DCC: variants seen among roughly 807,000 people sequenced by gnomAD.
DCC encodes the protein netrin receptor DCC.
DCC carries 58 observed loss-of-function variants against 172.5 expected under a neutral mutation model. That is an observed-to-expected ratio of 0.34 (90% CI 0.27 to 0.42). The LOEUF is 0.42. DCC is among the 10% of genes least tolerant of loss of function. The pLI is 1.00. For missense variants in DCC, 1,740 were observed against 1,791.0 expected (o/e 0.97, Z 0.51); for synonymous variants, 709 against 644.5 (o/e 1.10, Z -1.52).
intron 1 of DCC, among the ~76,000 whole-genome samples, chr18:52,435,369 C>G (rs1224743261): frequency 6.6e-6 from 1 of 152,152 alleles, no homozygotes; most frequent in South Asian, 2.1e-4. Context: ...TAGCCCTTCT[C>G]TATTTCATAA....
At chr18:53,092,569 A>G (rs1389258960) in intron 7 of DCC, among the ~76,000 whole-genome samples, 1 of 152,210 alleles carries the variant, frequency 6.6e-6, no homozygotes, top group Admixed American at 6.5e-5. Flanking sequence ...ATATTTTGAC[A>G]CAGTCAAGAA....
chr18:52,596,614 T>C (rs929645699), intron 1 of DCC, among the ~76,000 whole-genome samples: 1 of 152,192 alleles, frequency 6.6e-6, no homozygotes, highest in Non-Finnish European at 1.5e-5. Context: ...ACTTGTTCTG[T>C]TTACAGTTGA....
chr18:52,925,146 G>C (rs1009557762), intron 4 of DCC, 88 bp from the exon 5 acceptor site: 1 of 1,303,960 alleles, frequency 7.7e-7, no homozygotes, highest in African/African-American at 1.5e-5. Flanking sequence ...CTTAATTTGA[G>C]CTTTGGTGGA....
At chr18:53,260,039 G>C (rs2056575296) in intron 12 of DCC, among the ~76,000 whole-genome samples, 1 of 152,150 alleles carries the variant, frequency 6.6e-6, no homozygotes, top group Non-Finnish European at 1.5e-5. Flanking sequence ...CTCGTGCCAT[G>C]GTTTTCAGCT....
intron 5 of DCC, among the ~76,000 whole-genome samples, chr18:52,967,799 C>T (rs1421759448): frequency 6.6e-6 from 1 of 151,978 alleles, no homozygotes; most frequent in African/African-American, 2.4e-5. Context: ...CCGTATGTAA[C>T]AATAGAAAAT....
At chr18:52,801,368 G>GTT (rs2037981655) in intron 2 of DCC, among the ~76,000 whole-genome samples, 1 of 151,994 alleles carries the variant, frequency 6.6e-6, no homozygotes, top group Non-Finnish European at 1.5e-5. Context: ...TTGTAACAAA[G>GTT]CCTATTCTAA....
At chr18:53,363,022 G>A (rs763094426) in intron 15 of DCC, among the ~76,000 whole-genome samples, 2 of 151,950 alleles carry the variant, frequency 1.3e-5, no homozygotes, top group Admixed American at 1.3e-4. Flanking sequence ...TCTGATTGAC[G>A]CCATCTTACA....
At chr18:52,984,595 T>C (rs2041262905) in intron 5 of DCC, among the ~76,000 whole-genome samples, 1 of 152,118 alleles carries the variant, frequency 6.6e-6, no homozygotes. Flanking sequence ...TATTTAAGCC[T>C]TCAACTTTTA....
At chr18:52,679,721 G>A (rs554857014) in intron 1 of DCC, among the ~76,000 whole-genome samples, 4 of 152,198 alleles carry the variant, frequency 2.6e-5, no homozygotes, top group African/African-American at 7.2e-5. Flanking sequence ...TTGCTGTAAA[G>A]AATCTATAAG....
chr18:52,975,348 G>A (rs1239331182), intron 5 of DCC, among the ~76,000 whole-genome samples: 4 of 152,066 alleles, frequency 2.6e-5, no homozygotes, highest in African/African-American at 7.2e-5. Context: ...TGTTGAATTA[G>A]GACTCTACTC....
intron 1 of DCC, among the ~76,000 whole-genome samples, chr18:52,527,867 G>A (rs905182988): frequency 6.6e-6 from 1 of 152,174 alleles, no homozygotes; most frequent in African/African-American, 2.4e-5. Context: ...CAACTCTGGG[G>A]AGGGAGAGCA....
At chr18:52,467,251 G>A (rs1988813529) in intron 1 of DCC, among the ~76,000 whole-genome samples, 1 of 151,756 alleles carries the variant, frequency 6.6e-6, no homozygotes, top group South Asian at 2.1e-4. Context: ...CTGTGTCCAT[G>A]TGTTCTCATT....
chr18:52,402,433 C>T (rs1986476553), intron 1 of DCC, among the ~76,000 whole-genome samples: 1 of 151,956 alleles, frequency 6.6e-6, no homozygotes, highest in African/African-American at 2.4e-5. Context: ...TGTGTTTGTT[C>T]TCTTCATCTT....
chr18:52,348,589 C>T (rs916638427), intron 1 of DCC, among the ~76,000 whole-genome samples: 1 of 152,154 alleles, frequency 6.6e-6, no homozygotes, highest in African/African-American at 2.4e-5. Flanking sequence ...TTTGTGATGT[C>T]AGCAAGACAA....
chr18:52,823,795 G>A (rs1275496175), intron 2 of DCC, among the ~76,000 whole-genome samples: 5 of 152,092 alleles, frequency 3.3e-5, no homozygotes, highest in Non-Finnish European at 7.4e-5. Flanking sequence ...GTATCTTCAG[G>A]GGGTGTCCTG....
chr18:52,574,444 TC>T (rs760984664), intron 1 of DCC, among the ~76,000 whole-genome samples: 5 of 152,224 alleles, frequency 3.3e-5, no homozygotes, highest in Non-Finnish European at 5.9e-5. Context: ...ACACCCATTT[TC>T]CTTAAGGCCA....
chr18:53,048,169 T>C (rs971908963), intron 5 of DCC, among the ~76,000 whole-genome samples: 1 of 151,972 alleles, frequency 6.6e-6, no homozygotes, highest in African/African-American at 2.4e-5. Context: ...GTTTGTTATG[T>C]AGGTAAACTG....
chr18:53,103,200 C>G (rs2043197769), intron 7 of DCC, among the ~76,000 whole-genome samples: 1 of 151,950 alleles, frequency 6.6e-6, no homozygotes, highest in Admixed American at 6.6e-5. Context: ...ATTACATGAT[C>G]ATAACACGAA....
chr18:52,802,030 C>CTT (rs138320345), intron 2 of DCC, among the ~76,000 whole-genome samples: 31 of 149,500 alleles, frequency 2.1e-4, no homozygotes, highest in African/African-American at 5.2e-4. Flanking sequence ...CCATTCCCTT[C>CTT]TTTTTTTTAT....
Sources: allele counts gnomAD v4.1 joint callset (sites outside exome capture counted in the v4.1 genomes callset), GRCh38; gene constraint gnomAD v4.1.1; transcripts MANE v1.5; gene names NCBI Gene and HGNC (gene_info 2026-07-23, HGNC 2026-07-21).